Variants in CNBD1 observed in about 807,000 individuals in gnomAD.
CNBD1 encodes the protein cyclic nucleotide-binding domain-containing protein 1.
CNBD1 carries 71 observed loss-of-function variants against 54.4 expected under a neutral mutation model. The ratio of observed to expected loss-of-function variants is 1.30; its 90% CI spans 1.08 to 1.59. The LOEUF (loss-of-function observed/expected upper bound fraction) is 1.59. Ranked by LOEUF, CNBD1 falls within the 40% of genes most tolerant of loss-of-function variation. The probability of loss-of-function intolerance (pLI) is 0.00; values close to 1 mark genes in which losing one functional copy is unlikely to be tolerated. For missense variants in CNBD1, 659 were observed against 518.0 expected (o/e 1.27, Z -2.64); for synonymous variants, 182 against 170.7 (o/e 1.07, Z -0.51).
rs1233314674 is a variant in CNBD1, at chr8:86,946,440, T to G, written c.431+6686T>G. ...TATTGTTTAGACATAAGCAAACATC[T>G]ATTATAATATTTCTTATAAAAATTA... On this transcript the variant is annotated intron_variant, in intron 4 of 10. Coordinates refer to ENST00000518476, the MANE Select transcript of CNBD1 (RefSeq NM_173538.3). Among the ~76,000 whole-genome samples, 5 of 152,118 alleles carry G rather than the reference T, an allele frequency of 3.3e-5. No homozygotes were observed. The East Asian group carries it at 9.6e-4, about 29-fold the overall frequency.
At chr8:87,091,072 A>G (rs143947780) in intron 4 of CNBD1, among the ~76,000 whole-genome samples, 78 of 147,760 alleles carry the variant, frequency 5.3e-4, no homozygotes, top group African/African-American at 1.6e-3. Context: ...CTCAGGAGGT[A>G]GAGGTTGCAG....
intron 5 of CNBD1, among the ~76,000 whole-genome samples, chr8:87,218,283 T>C (rs900165820): frequency 3.3e-5 from 5 of 152,066 alleles, no homozygotes; most frequent in African/African-American, 1.2e-4. Context: ...TGGAGGTAAT[T>C]TCCAACAATG....
At chr8:87,253,930 G>A (rs572343331) in intron 6 of CNBD1, among the ~76,000 whole-genome samples, 1 of 152,144 alleles carries the variant, frequency 6.6e-6, no homozygotes, top group Non-Finnish European at 1.5e-5. Context: ...TGAAATTTGA[G>A]TCACTAGTAA....
chr8:87,189,777 G>T (rs1035491714), intron 4 of CNBD1, among the ~76,000 whole-genome samples: 41 of 152,060 alleles, frequency 2.7e-4, no homozygotes, highest in African/African-American at 9.7e-4. Context: ...ATATGAATCT[G>T]GATGATCAAA....
chr8:87,403,202 T>C (rs1438236124), intron 2 of CNBD1, among the ~76,000 whole-genome samples: 1 of 152,016 alleles, frequency 6.6e-6, no homozygotes, highest in Non-Finnish European at 1.5e-5. Context: ...TTCAAAAATA[T>C]AGTTTGAGAC....
At chr8:87,371,403 T>C (rs1412568691) in intron 10 of CNBD1, among the ~76,000 whole-genome samples, 1 of 152,062 alleles carries the variant, frequency 6.6e-6, no homozygotes, top group Non-Finnish European at 1.5e-5. Context: ...TTTTATTTCA[T>C]TGAGCAGTGG....
rs372440482 is a variant in CNBD1, at chr8:86,921,133, G to C, written c.272+15939G>C. On this transcript the variant is annotated intron_variant, in intron 3 of 10. Coordinates refer to ENST00000518476, the MANE Select transcript of CNBD1 (RefSeq NM_173538.3). ...GCACTTAATTTCTTTCTCTAGCATA[G>C]CTGAAATTACCCATATGATACAGCT... Among the ~76,000 whole-genome samples the C allele has an allele frequency of 1.3e-4, 20 of 152,232 alleles. No homozygotes were observed. In the South Asian group the frequency reaches 4.1e-3, roughly 32 times the overall value.
At chr8:87,339,662 CT>C (rs1810025340) in intron 8 of CNBD1, among the ~76,000 whole-genome samples, 1 of 151,842 alleles carries the variant, frequency 6.6e-6, no homozygotes, top group Non-Finnish European at 1.5e-5. Flanking sequence ...TTCAGGTTTT[CT>C]TTTCTGTATT....
intron 4 of CNBD1, among the ~76,000 whole-genome samples, chr8:87,002,841 C>T (rs1809020937): frequency 6.6e-6 from 1 of 152,098 alleles, no homozygotes; most frequent in South Asian, 2.1e-4. Context: ...ATTCTGTGAG[C>T]TCAAGTCTCT....
At chr8:87,374,595 G>A (rs1810887211) in intron 10 of CNBD1, among the ~76,000 whole-genome samples, 1 of 151,752 alleles carries the variant, frequency 6.6e-6, no homozygotes, top group African/African-American at 2.4e-5. Context: ...TAGTACTGGG[G>A]CACGTTAAAT....
chr8:86,877,492 G>T (rs1215165313), intron 1 of CNBD1, among the ~76,000 whole-genome samples: 3 of 152,050 alleles, frequency 2.0e-5, no homozygotes, highest in Non-Finnish European at 4.4e-5. Context: ...CTTCCCTGAG[G>T]TTGCCCTACT....
rs1477376929 is a variant in CNBD1 at position 87,322,448 on chromosome 8, C to T, written c.1043-29237C>T. Among the ~76,000 whole-genome samples the T allele has an allele frequency of 2.5e-5, 3 of 121,492 alleles. 1 individual carries two copies. The highest frequency in any genetic ancestry group is 5.5e-5 in the Non-Finnish European group (3 of 54,578). 79.7% of individuals were successfully genotyped at this position (121,492 alleles called of 152,430 possible). Reference sequence around the variant, plus strand: ...GTGTAAAAGTGTTCCTATTTCTCCACATCCTCTCTAACACCTGTTGTTTCC... The same window carrying T: ...GTGTAAAAGTGTTCCTATTTCTCCATATCCTCTCTAACACCTGTTGTTTCC... On this transcript the variant is annotated intron_variant, in intron 8 of 10. Coordinates refer to ENST00000518476, the MANE Select transcript of CNBD1 (RefSeq NM_173538.3).
chr8:86,876,191 G>T (rs200993964), intron 1 of CNBD1, among the ~76,000 whole-genome samples: 2 of 43,886 alleles, frequency 4.6e-5, no homozygotes, highest in Admixed American at 5.0e-4. Flanking sequence ...GTTTGTGTGT[G>T]TGTGTGTGTG....
rs78309128 is a variant in CNBD1, at chr8:86,944,324, C to A, written c.431+4570C>A. Among the ~76,000 whole-genome samples the A allele has an allele frequency of 9.0e-3, 1,374 of 152,254 alleles. 19 individuals are homozygous for A. The highest frequency in any genetic ancestry group is 0.037 in the Middle Eastern group (11 of 294). ...ATTCCTGGTATTGGGACTGTGGGAA[C>A]ACACAATATCTTTGCCCTCATGGAG... On this transcript the variant is annotated intron_variant, in intron 4 of 10. Coordinates refer to ENST00000518476, the MANE Select transcript of CNBD1 (RefSeq NM_173538.3).
At chr8:86,888,001 G>C (rs981930392) in intron 2 of CNBD1, among the ~76,000 whole-genome samples, 5 of 152,138 alleles carry the variant, frequency 3.3e-5, no homozygotes. Flanking sequence ...ACTGTTCAAA[G>C]CTCAGGATTC....
At chr8:87,370,908 G>A (rs1202413782) in intron 10 of CNBD1, among the ~76,000 whole-genome samples, 1 of 151,360 alleles carries the variant, frequency 6.6e-6, no homozygotes, top group South Asian at 2.1e-4. Flanking sequence ...TTTTGTATAA[G>A]GTATAAGGAA....
intron 10 of CNBD1, 57 bp downstream of exon 10, chr8:87,353,843 T>A: frequency 9.8e-6 from 13 of 1,324,026 alleles, no homozygotes; most frequent in Non-Finnish European, 1.2e-5. Context: ...AGTTCTTAAA[T>A]TTTTTAAATT....
chr8:87,191,577 G>A, intron 4 of CNBD1, among the ~76,000 whole-genome samples: 1 of 152,116 alleles, frequency 6.6e-6, no homozygotes, highest in East Asian at 1.9e-4. Flanking sequence ...CAGTTTTCAT[G>A]GCACCTGGTG....
intron 3 of CNBD1, 122 bp downstream of exon 3, chr8:86,905,316 G>A: frequency 1.8e-6 from 1 of 565,166 alleles, no homozygotes; most frequent in East Asian, 2.9e-5. Context: ...TAGTGTGGAG[G>A]GCTAGGGAGC....
Sources: gnomAD v4.1 joint callset for allele counts (sites outside exome capture counted in the v4.1 genomes callset) on GRCh38, gnomAD v4.1.1 for gene constraint, MANE v1.5 for transcripts, NCBI Gene and HGNC (gene_info 2026-07-23, HGNC 2026-07-21) for gene names.